Variants in IFNGR1 observed in about 807,000 individuals in gnomAD.
The protein encoded by IFNGR1 is interferon gamma receptor 1.
IFNGR1 carries 23 observed loss-of-function variants against 35.4 expected under a neutral mutation model. That is an observed-to-expected ratio of 0.65 (90% CI 0.47 to 0.92). IFNGR1 has a LOEUF of 0.92. IFNGR1 is among the 40% of genes least tolerant of loss of function. The pLI, the probability that IFNGR1 is intolerant of heterozygous loss-of-function variation, is 0.00. For synonymous variants in IFNGR1, 199 were observed against 209.5 expected, an observed-to-expected ratio of 0.95 and a Z score of 0.43; for missense variants, 533 against 583.4, an observed-to-expected ratio of 0.91 and a Z score of 0.89.
intron 1 of IFNGR1, chr6:137,218,486 C>T: frequency 1.6e-6 from 2 of 1,289,310 alleles, no homozygotes; most frequent in South Asian, 2.5e-5. Flanking sequence ...CAATCCACCA[C>T]TTCCAGACTG....
rs121913185 is a variant in IFNGR1, at chr6:137,198,474, C to T, written c.1027G>A (p.Val343Met). 5.9e-5 allele frequency: 96 copies of T among 1,614,162 alleles called. No individual in the cohort carries two copies. In the African/African-American group the frequency reaches 1.1e-3, roughly 18 times the overall value. ...GMHTEDNPGK[V>M]EHTEELSSIT... ...CTAGAAAGTTCTTCTGTATGTTCCA[C>T]TTTTCCTGGATTGTCTTCGGTATGC... Residue 343 changes from valine (V) to methionine (M), a missense_variant, in exon 7 of 7, where the codon GTG becomes ATG. By Grantham distance (21) the Val-to-Met change is conservative. Coordinates refer to ENST00000367739, the MANE Select transcript of IFNGR1 (RefSeq NM_000416.3).
chr6:137,212,664 A>T (rs1343785910), intron 1 of IFNGR1, among the ~76,000 whole-genome samples: 1 of 152,206 alleles, frequency 6.6e-6, no homozygotes, highest in African/African-American at 2.4e-5. Flanking sequence ...TGCATACTAG[A>T]ATATCAAACA....
chr6:137,204,557 G>A, intron 3 of IFNGR1, 53 bp from the exon 4 acceptor site: 1 of 1,379,232 alleles, frequency 7.3e-7, no homozygotes, highest in Non-Finnish European at 1.0e-6. Flanking sequence ...GAACTAAATG[G>A]TACATTTCAT....
At chr6:137,198,715 G>C in intron 6 of IFNGR1, 76 bp from the exon 7 acceptor site, 1 of 1,138,142 alleles carries the variant, frequency 8.8e-7, no homozygotes, top group Non-Finnish European at 1.3e-6. Flanking sequence ...ACAAAGGTCT[G>C]AAGTAATGGA....
intron 1 of IFNGR1, among the ~76,000 whole-genome samples, chr6:137,214,549 C>A (rs1431067757): frequency 1.3e-5 from 2 of 152,150 alleles, no homozygotes; most frequent in Non-Finnish European, 2.9e-5. Flanking sequence ...AAGTAACTAA[C>A]CTCCCCTATA....
At chr6:137,204,299 G>A in intron 4 of IFNGR1, 33 bp downstream of exon 4, 1 of 1,590,490 alleles carries the variant, frequency 6.3e-7, no homozygotes, top group Non-Finnish European at 8.6e-7. Flanking sequence ...AGCTACACAA[G>A]AATTTCCATT....
chr6:137,219,136 C>A (rs566925297), intron 1 of IFNGR1, 107 bp downstream of exon 1: 2 of 1,449,764 alleles, frequency 1.4e-6, no homozygotes, highest in East Asian at 2.5e-5. Context: ...GCAGGGGTCC[C>A]GGGCTAGGGC....
chr6:137,213,272 G>C (rs1238894336), intron 1 of IFNGR1, among the ~76,000 whole-genome samples: 1 of 152,196 alleles, frequency 6.6e-6, no homozygotes, highest in Non-Finnish European at 1.5e-5. Context: ...CATGAAATAA[G>C]ATAATCTTAC....
intron 4 of IFNGR1, 111 bp from the exon 5 acceptor site, chr6:137,203,796 C>A: frequency 1.2e-6 from 1 of 869,170 alleles, no homozygotes; most frequent in African/African-American, 1.7e-5. Flanking sequence ...ATATGATTGA[C>A]TTGAACATGT....
rs1157933215 is a variant in IFNGR1, at chr6:137,198,277, G to A, written c.1224C>T (p.Ser408=). ...HSRNCSESDH[S]RNGFDTDSSC... is the part of the protein sequence containing the mutation. Reference sequence around the variant, plus strand: ...TGGAATCAGTATCAAAACCATTTCTGGAGTGATCACTCTCAGAACAATTTC... The same window carrying A: ...TGGAATCAGTATCAAAACCATTTCTAGAGTGATCACTCTCAGAACAATTTC... Residue 408 remains serine (S), a synonymous_variant, in exon 7 of 7, where the codon TCC becomes TCT. Transcript: ENST00000367739. 6 of 1,613,822 alleles carry A rather than the reference G, an allele frequency of 3.7e-6. No individual in the cohort carries two copies. The highest frequency in any genetic ancestry group is 4.2e-6 in the Non-Finnish European group (5 of 1,180,018).
intron 3 of IFNGR1, 75 bp downstream of exon 3, chr6:137,206,061 A>G (rs1463451878): frequency 2.0e-5 from 25 of 1,245,706 alleles, no homozygotes; most frequent in Middle Eastern, 3.8e-4. Context: ...GCAACTGCTA[A>G]TAAAAGCAAA....
chr6:137,199,509 T>TATA (rs1779204380), intron 6 of IFNGR1, among the ~76,000 whole-genome samples: 2 of 100,986 alleles, frequency 2.0e-5, no homozygotes, highest in East Asian at 2.4e-4. Flanking sequence ...AAATATATAA[T>TATA]TTATAATATA....
chr6:137,213,863 T>TA (rs527432804), intron 1 of IFNGR1, among the ~76,000 whole-genome samples: 3 of 152,254 alleles, frequency 2.0e-5, no homozygotes, highest in African/African-American at 7.2e-5. Context: ...TGTGTCTCTT[T>TA]AAAAAAGGAC....
rs757182417 is a variant in IFNGR1, at chr6:137,204,333, T to C, written c.545A>G (p.Glu182Gly). 1.2e-6 allele frequency: 2 copies of C among 1,612,868 alleles called. No individual in the cohort carries two copies. Among genetic ancestry groups the C allele is most frequent in the East Asian group, 4.5e-5 (2 of 44,854 alleles). The change falls in exon 4 of 7, where the codon GAG becomes GGG. Residue 182 changes from glutamate (E) to glycine (G), a missense_variant and splice_region_variant. Physicochemically the swap from Glu to Gly is moderately conservative, Grantham distance 98 (BLOSUM62 -2). Coordinates refer to ENST00000367739, the MANE Select transcript of IFNGR1 (RefSeq NM_000416.3). ...YNVYVRMNGS[E>G]IQYKILTQKE... The stretch of plus-strand genomic sequence containing the variant: ...TTATGAAAAATGTGAAACACATACC[T>C]CACTTCCGTTCATTCTCACATACAC...
intron 6 of IFNGR1, among the ~76,000 whole-genome samples, chr6:137,199,381 T>G (rs1368053048): frequency 3.1e-5 from 4 of 127,614 alleles, no homozygotes; most frequent in Admixed American, 1.9e-4. Context: ...AAAATATAAT[T>G]TATATTACAT....
intron 1 of IFNGR1, among the ~76,000 whole-genome samples, chr6:137,212,338 ACCTCTG>A (rs1779595664): frequency 6.6e-6 from 1 of 151,910 alleles, no homozygotes; most frequent in Non-Finnish European, 1.5e-5. Context: ...GCTCACTGCA[ACCTCTG>A]CCTCCTGGGT....
intron 5 of IFNGR1, among the ~76,000 whole-genome samples, chr6:137,201,335 G>A (rs1184852706): frequency 6.6e-6 from 1 of 152,034 alleles, no homozygotes; most frequent in Non-Finnish European, 1.5e-5. Flanking sequence ...CATTTCTTTC[G>A]GTTAAAAATG....
chr6:137,203,783 T>C lies in IFNGR1; in HGVS notation c.547-98A>G, dbSNP rs189152935. ...AGTCCTGGTCAAACAACTGAAGAAATATATATGATTGACTTGAACATGTCT... is the reference window on the plus strand; with the variant it reads ...AGTCCTGGTCAAACAACTGAAGAAACATATATGATTGACTTGAACATGTCT... On this transcript the variant is annotated intron_variant, in intron 4 of 6. Transcript: ENST00000367739. 1.4e-5 allele frequency: 14 copies of C among 965,876 alleles called. No individual in the cohort carries two copies. The Admixed American group carries it at 2.1e-4, about 14-fold the overall frequency. 59.8% of individuals were successfully genotyped at this position (965,876 alleles called of 1,614,324 possible).
intron 1 of IFNGR1, among the ~76,000 whole-genome samples, chr6:137,212,460 G>C (rs914096567): frequency 6.6e-6 from 1 of 152,182 alleles, no homozygotes; most frequent in Non-Finnish European, 1.5e-5. Context: ...GTTTCACCAT[G>C]TTGGTCAGGC....
Sources: allele counts gnomAD v4.1 joint callset (sites outside exome capture counted in the v4.1 genomes callset), GRCh38; gene constraint gnomAD v4.1.1; transcripts MANE v1.5; gene names NCBI Gene and HGNC (gene_info 2026-07-23, HGNC 2026-07-21).